ADD1: variants seen among roughly 807,000 people sequenced by gnomAD.
ADD1 encodes the protein adducin 1.
ADD1 carries 24 observed loss-of-function variants against 80.5 expected under a neutral mutation model. The observed-to-expected ratio is 0.30, with a 90% CI of 0.22 to 0.42. The LOEUF (loss-of-function observed/expected upper bound fraction) is 0.42, where lower values mean the gene tolerates loss of function less well. Among genes scored for constraint, ADD1 ranks in the 10% least tolerant of loss-of-function variants. ADD1 has a pLI of 1.00. For synonymous variants in ADD1, 373 were observed against 393.8 expected (o/e 0.95, Z 0.63); for missense variants, 948 against 1,019.0 (o/e 0.93, Z 0.95).
intron 1 of ADD1, among the ~76,000 whole-genome samples, chr4:2,860,376 G>C (rs983594557): frequency 6.6e-6 from 1 of 152,190 alleles, no homozygotes; most frequent in African/African-American, 2.4e-5. Flanking sequence ...TTTGCAGTCT[G>C]GAATTTCCTT....
Position 2,881,920 on chromosome 4 carries a change from CAAT to C in ADD1, c.219_221del (p.Met74del). Reference sequence around the variant, plus strand: ...TAGGCTTTCTGTGAAGAATTGGAATCAATGATACAGGAGCAATTTAAGAAGGGG... The same window carrying C: ...TAGGCTTTCTGTGAAGAATTGGAATCGATACAGGAGCAATTTAAGAAGGGG... On this transcript the variant is annotated inframe_deletion, in exon 3 of 16. Transcript: ENST00000683351. 1 of 1,598,916 alleles carries C rather than the reference CAAT, an allele frequency of 6.3e-7. No individual in the cohort carries two copies. The highest frequency in any genetic ancestry group is 8.5e-7 in the Non-Finnish European group (1 of 1,175,840).
At chr4:2,895,911 G>A (rs1435930648) in intron 6 of ADD1, among the ~76,000 whole-genome samples, 4 of 148,442 alleles carry the variant, frequency 2.7e-5, no homozygotes, top group Admixed American at 6.7e-5. Flanking sequence ...TTTTTGAGAC[G>A]GAGTCTCGCT....
At chr4:2,915,367 A>G (rs1738817990) in intron 14 of ADD1, among the ~76,000 whole-genome samples, 1 of 152,138 alleles carries the variant, frequency 6.6e-6, no homozygotes, top group Non-Finnish European at 1.5e-5. Context: ...TAGGCTGGGC[A>G]TGGTGGCTCA....
intron 4 of ADD1, among the ~76,000 whole-genome samples, chr4:2,892,346 T>A (rs1439098681): frequency 6.6e-6 from 1 of 152,212 alleles, no homozygotes; most frequent in East Asian, 1.9e-4. Flanking sequence ...CTAAAATCAT[T>A]ATAAAAACTA....
At chr4:2,924,389 G>A (rs556569025) in intron 14 of ADD1, among the ~76,000 whole-genome samples, 1 of 152,302 alleles carries the variant, frequency 6.6e-6, no homozygotes, top group Non-Finnish European at 1.5e-5. Context: ...AGCAGCCTTG[G>A]TGCTGGCACC....
At position 2,926,738 on chromosome 4, in the gene ADD1, CTTT is replaced by C; in HGVS notation, c.2047+627_2047+629del. ...TGCGCTTTGCCTCATTCTCCTGCTT[CTTT>C]GTTGTTTATTAAGTTTTGTTTTCTG... On this transcript the variant is annotated intron_variant, in intron 15 of 15. Transcript: ENST00000683351. This position sits in a 1 kb window ranked among gnomAD's most constrained non-coding sequence, Gnocchi z 5.0. 1 of 1,525,740 alleles carries C rather than the reference CTTT, an allele frequency of 6.6e-7. No individual in the cohort carries two copies. The highest frequency in any genetic ancestry group is 1.2e-5 in the South Asian group (1 of 85,842). 94.5% of individuals were successfully genotyped at this position (1,525,740 alleles called of 1,614,324 possible).
chr4:2,856,128 A>G (rs770327865), intron 1 of ADD1, among the ~76,000 whole-genome samples: 20 of 151,732 alleles, frequency 1.3e-4, no homozygotes, highest in Non-Finnish European at 2.5e-4. Flanking sequence ...CCTGGGCTCA[A>G]GTATCCTCCC....
At chr4:2,863,055 A>G (rs759655533) in intron 1 of ADD1, among the ~76,000 whole-genome samples, 6 of 151,662 alleles carry the variant, frequency 4.0e-5, no homozygotes, top group Non-Finnish European at 5.9e-5. Context: ...TGTCATGCCT[A>G]TTGAATTTTT....
At chr4:2,870,615 G>A (rs1044678365) in intron 1 of ADD1, among the ~76,000 whole-genome samples, 12 of 152,252 alleles carry the variant, frequency 7.9e-5, no homozygotes, top group East Asian at 1.9e-4. Context: ...CACTTTAAAT[G>A]TCACAGGAGG....
intron 4 of ADD1, among the ~76,000 whole-genome samples, chr4:2,891,011 G>A (rs1469656490): frequency 2.0e-5 from 3 of 151,970 alleles, no homozygotes; most frequent in Non-Finnish European, 4.4e-5. Flanking sequence ...TGGGCTGGAT[G>A]CAGTGACTCC....
intron 13 of ADD1, among the ~76,000 whole-genome samples, chr4:2,912,570 A>G (rs573261130): frequency 1.2e-3 from 187 of 151,906 alleles, no homozygotes; most frequent in Non-Finnish European, 2.2e-3. Context: ...ACTCTGGCCC[A>G]TGCTGGAGTG....
intron 3 of ADD1, among the ~76,000 whole-genome samples, chr4:2,882,431 G>A (rs951587014): frequency 2.0e-5 from 3 of 152,206 alleles, no homozygotes; most frequent in African/African-American, 7.2e-5. Context: ...CAACTAGTGA[G>A]AAAGAGAAAT....
At chr4:2,921,975 C>T (rs1740127212) in intron 14 of ADD1, among the ~76,000 whole-genome samples, 1 of 151,750 alleles carries the variant, frequency 6.6e-6, no homozygotes, top group Non-Finnish European at 1.5e-5. Flanking sequence ...CTGTGTTTTT[C>T]AGCTCCATCA....
rs376987178 is a variant in ADD1, at chr4:2,894,101, T to G, written c.591+8T>G. ...GTGACTGCATCCAGTTTGGTAAGAA[T>G]GTCCTTCTCTTTGGCAGCTTGTATG... On this transcript the variant is annotated splice_region_variant and intron_variant, in intron 5 of 15. Transcript: ENST00000683351. 95 of 1,610,994 alleles carry G rather than the reference T, an allele frequency of 5.9e-5. No homozygotes were observed. In the African/African-American group the frequency reaches 1.1e-3, roughly 19 times the overall value.
intron 12 of ADD1, chr4:2,908,889 C>T (rs1023861438): frequency 2.0e-6 from 1 of 502,132 alleles, no homozygotes; most frequent in African/African-American, 1.9e-5. Context: ...TCAGATTCGG[C>T]CCGGGTTCAG....
At chr4:2,897,912 C>G (rs1348364561) in intron 6 of ADD1, among the ~76,000 whole-genome samples, 1 of 152,044 alleles carries the variant, frequency 6.6e-6, no homozygotes, top group Non-Finnish European at 1.5e-5. Context: ...TAATTAAATC[C>G]AGGTTTACAT....
intron 1 of ADD1, among the ~76,000 whole-genome samples, chr4:2,859,556 A>G (rs192075495): frequency 6.6e-6 from 1 of 152,366 alleles, no homozygotes; most frequent in East Asian, 1.9e-4. Flanking sequence ...TGCCAAATAA[A>G]GTAGACATTT....
At chr4:2,893,560 C>T (rs1170595568) in intron 4 of ADD1, among the ~76,000 whole-genome samples, 1 of 151,920 alleles carries the variant, frequency 6.6e-6, no homozygotes, top group African/African-American at 2.4e-5. Context: ...TTGCAGTGAG[C>T]CATGATCACG....
At position 2,880,463 on chromosome 4, in the gene ADD1, C is replaced by CTTTTTTTTTT. The variant is rs1167878841; in HGVS notation, c.196-1414_196-1405dup. ...TGTTTGACAAGATATTTCTTTCTTTCTTTTTTTTTTTTTTTTTTTTTTTTT... is the reference window on the plus strand; with the variant it reads ...TGTTTGACAAGATATTTCTTTCTTTCTTTTTTTTTTTTTTTTTTTTTTTTTTTTTTTTTTT... On this transcript the variant is annotated intron_variant, in intron 2 of 15. Transcript: ENST00000683351. Among the ~76,000 whole-genome samples the CTTTTTTTTTT allele has an allele frequency of 1.9e-3, 122 of 63,182 alleles. 12 individuals are homozygous for CTTTTTTTTTT. Among genetic ancestry groups the CTTTTTTTTTT allele is most frequent in the Non-Finnish European group, 2.4e-3 (84 of 34,636 alleles). The allele number at this position is 63,182 out of a possible 152,430, so 41.4% of individuals were successfully genotyped here. A position where few individuals can be genotyped will look rare whatever the true frequency, so the allele number is the denominator to read the frequency against.
Sources: gnomAD v4.1 joint callset for allele counts (sites outside exome capture counted in the v4.1 genomes callset) on GRCh38, gnomAD v4.1.1 for gene constraint, Gnocchi (gnomAD v3.1) non-coding constraint, MANE v1.5 for transcripts, NCBI Gene and HGNC (gene_info 2026-07-23, HGNC 2026-07-21) for gene names.